The following THADA variants were observed in gnomAD, a reference collection of about 807,000 sequenced individuals.
THADA encodes the protein tRNA (32-2'-O)-methyltransferase regulator THADA.
THADA carries 213 observed loss-of-function variants against 219.8 expected under a neutral mutation model. That is an observed-to-expected ratio of 0.97 (90% CI 0.87 to 1.09). THADA has a LOEUF of 1.09. THADA is among the 50% of genes least tolerant of loss of function. The pLI is 0.00. For synonymous variants in THADA, 1,018 were observed against 828.9 expected (o/e 1.23, Z -3.92); for missense variants, 2,956 against 2,311.3 (o/e 1.28, Z -5.72).
intron 30 of THADA, among the ~76,000 whole-genome samples, chr2:43,322,674 CTTTTTTTT>C (rs34557514): frequency 3.1e-4 from 17 of 54,812 alleles, no homozygotes; most frequent in African/African-American, 4.3e-4. Context: ...ACATTCTATT[CTTTTTTTT>C]TTTTTTTTTT....
intron 36 of THADA, among the ~76,000 whole-genome samples, chr2:43,244,680 C>T (rs1037882030): frequency 6.6e-6 from 1 of 152,192 alleles, no homozygotes; most frequent in African/African-American, 2.4e-5. Context: ...CATTTGGTGA[C>T]GATTCCTTTG....
rs530933902 is a variant in THADA, at chr2:43,575,538, T to C, written c.1038-511A>G. On this transcript the variant is annotated intron_variant, in intron 10 of 37. Transcript: ENST00000405975. ...TTGACTGTGATGATTACACAAGTTA[T>C]TTATTTATTTATTTATTTGAGACAG... Among the ~76,000 whole-genome samples the C allele has an allele frequency of 5.3e-5, 8 of 152,050 alleles. No individual in the cohort carries two copies. The South Asian group carries it at 1.7e-3, about 32-fold the overall frequency.
intron 5 of THADA, 32 bp downstream of exon 5, chr2:43,586,822 C>T (rs1294452487): frequency 6.2e-7 from 1 of 1,611,678 alleles, no homozygotes; most frequent in Non-Finnish European, 8.5e-7. Context: ...GAGGGGTTAG[C>T]CAGAAAAAGG....
At chr2:43,328,476 T>A (rs1259835874) in intron 30 of THADA, among the ~76,000 whole-genome samples, 1 of 152,216 alleles carries the variant, frequency 6.6e-6, no homozygotes, top group Non-Finnish European at 1.5e-5. Context: ...GCCCTCCTAC[T>A]TGGATTTTCC....
intron 28 of THADA, among the ~76,000 whole-genome samples, chr2:43,411,673 T>G (rs953129626): frequency 6.6e-6 from 1 of 152,206 alleles, no homozygotes; most frequent in African/African-American, 2.4e-5. Flanking sequence ...CAATGGAGAC[T>G]GCTGTGCAAA....
At chr2:43,539,041 A>T (rs918934644) in intron 21 of THADA, among the ~76,000 whole-genome samples, 3 of 152,246 alleles carry the variant, frequency 2.0e-5, no homozygotes, top group Admixed American at 6.5e-5. Context: ...TTTAGACTGT[A>T]TGGAATGGCT....
chr2:43,411,770 A>G (rs987496745), intron 28 of THADA, among the ~76,000 whole-genome samples: 2 of 152,156 alleles, frequency 1.3e-5, no homozygotes, highest in African/African-American at 4.8e-5. Flanking sequence ...TACAGTTTCA[A>G]TGGTGGTGGT....
chr2:43,473,658 G>C (rs575347705), intron 26 of THADA, among the ~76,000 whole-genome samples: 42 of 152,094 alleles, frequency 2.8e-4, no homozygotes, highest in African/African-American at 1.0e-3. Context: ...ACCCAGGCTG[G>C]AGTGCAGTGG....
chr2:43,243,921 T>A (rs971595332), intron 36 of THADA, among the ~76,000 whole-genome samples: 1 of 152,188 alleles, frequency 6.6e-6, no homozygotes, highest in Non-Finnish European at 1.5e-5. Flanking sequence ...AACCTATGAC[T>A]GCCTGATGTA....
intron 29 of THADA, among the ~76,000 whole-genome samples, chr2:43,345,254 T>G (rs1558615544): frequency 6.6e-6 from 1 of 152,234 alleles, no homozygotes; most frequent in African/African-American, 2.4e-5. Context: ...AATTGAGAGT[T>G]AGATACGGAA....
At position 43,284,963 on chromosome 2, in the gene THADA, T is replaced by C. The variant is rs114911701; in HGVS notation, c.5164+1945A>G. On this transcript the variant is annotated intron_variant, in intron 35 of 37. Coordinates refer to ENST00000405975, the MANE Select transcript of THADA (RefSeq NM_022065.5). ...GGGTTTTGAACTTGCATGGGGCCCG[T>C]AGACCCTTTGCTTTGGCCAATCTCT... Among the ~76,000 whole-genome samples, 915 of 152,334 alleles carry C rather than the reference T, an allele frequency of 6.0e-3. 13 individuals are homozygous for C. The highest frequency in any genetic ancestry group is 0.021 in the African/African-American group (858 of 41,576).
intron 7 of THADA, among the ~76,000 whole-genome samples, chr2:43,583,358 C>T (rs1559023305): frequency 6.6e-6 from 1 of 152,230 alleles, no homozygotes; most frequent in Non-Finnish European, 1.5e-5. Flanking sequence ...TCCACTGCTA[C>T]ATCTTGGCCT....
chr2:43,574,585 C>G lies in THADA; in HGVS notation c.1480G>C (p.Ala494Pro), dbSNP rs1332087317. 1.2e-6 allele frequency: 2 copies of G among 1,613,804 alleles called. No homozygotes were observed. Among genetic ancestry groups the G allele is most frequent in the African/African-American group, 1.3e-5 (1 of 74,910 alleles). The change falls in exon 11 of 38, where the codon GCA becomes CCA. Residue 494 changes from alanine to proline, a missense_variant. Coordinates refer to ENST00000405975, the MANE Select transcript of THADA (RefSeq NM_022065.5). ...VMGDQSLVPY[A>P]SDLLETMFRN... ...AACATGGTTTCCAAGAGGTCACTTG[C>G]ATAAGGTACCAATGACTGGTCTCCC...
chr2:43,294,713 C>T (rs1301240296), intron 31 of THADA, among the ~76,000 whole-genome samples: 1 of 152,088 alleles, frequency 6.6e-6, no homozygotes, highest in African/African-American at 2.4e-5. Flanking sequence ...AGTTACAACA[C>T]TACTGCACCG....
In THADA at chr2:43,428,360, C is replaced by T. The variant is rs1678775432; in HGVS notation, c.3927-129G>A. On this transcript the variant is annotated intron_variant, in intron 27 of 37. Coordinates refer to ENST00000405975, the MANE Select transcript of THADA (RefSeq NM_022065.5). ...CGGTGACTAATGCCTGTAATCCCAG[C>T]ACTTTGGGAGGCCGAGGCGGATGGA... The T allele has an allele frequency of 1.0e-5, 9 of 886,832 alleles. No individual in the cohort carries two copies. The South Asian group carries it at 1.5e-4, about 15-fold the overall frequency. 54.9% of individuals were successfully genotyped at this position (886,832 alleles called of 1,614,324 possible).
rs534481086 is a variant in THADA at position 43,475,085 on chromosome 2, C to T, written c.3836+10149G>A. 5.3e-5 allele frequency among the ~76,000 whole-genome samples: 8 copies of T among 152,292 alleles called. No homozygotes were observed. The South Asian group carries it at 1.2e-3, about 24-fold the overall frequency. ...GAGACCAAGAAGTTACATCAAAACA[C>T]TTGGTTCATAAATAAAAATAATTAA... On this transcript the variant is annotated intron_variant, in intron 26 of 37. Transcript: ENST00000405975.
chr2:43,292,154 C>A lies in THADA; in HGVS notation c.4887G>T (p.Leu1629=). Residue 1629 remains leucine (L), a synonymous_variant, in exon 33 of 38, where the codon CTG becomes CTT. Coordinates refer to ENST00000405975, the MANE Select transcript of THADA (RefSeq NM_022065.5). ...WLPQTEHCVH[L]TPKEFLIWTM... ...TCCAGATCAAGAACTCCTTTGGGGT[C>A]AGATGGACACAGTGCTCCGTCTGGG... 6.2e-7 allele frequency: 1 copy of A among 1,612,046 alleles called. No homozygotes were observed. Among genetic ancestry groups the A allele is most frequent in the South Asian group, 1.1e-5 (1 of 90,416 alleles).
At chr2:43,341,071 G>A (rs1159644810) in intron 30 of THADA, among the ~76,000 whole-genome samples, 1 of 152,168 alleles carries the variant, frequency 6.6e-6, no homozygotes, top group Non-Finnish European at 1.5e-5. Context: ...CTGTCTGGCA[G>A]TATGTTTTCC....
chr2:43,452,940 T>C (rs1682525574), intron 26 of THADA, among the ~76,000 whole-genome samples: 1 of 152,018 alleles, frequency 6.6e-6, no homozygotes, highest in Non-Finnish European at 1.5e-5. Flanking sequence ...AAAAAACATC[T>C]AACTCCCGTG....
Sources: gnomAD v4.1 joint callset for allele counts (sites outside exome capture counted in the v4.1 genomes callset) on GRCh38, gnomAD v4.1.1 for gene constraint, MANE v1.5 for transcripts, NCBI Gene and HGNC (gene_info 2026-07-23, HGNC 2026-07-21) for gene names.